The following GTF2E2 variants were observed in gnomAD, a reference collection of about 807,000 sequenced individuals.
The protein encoded by GTF2E2 is transcription initiation factor IIE subunit beta.
A neutral mutation model predicts 40.5 loss-of-function variants in GTF2E2; 21 were observed. The observed-to-expected ratio is 0.52, with a 90% confidence interval of 0.37 to 0.75. GTF2E2 has a LOEUF of 0.75. Among genes scored for constraint, GTF2E2 ranks in the 30% least tolerant of loss-of-function variants. GTF2E2 has a pLI of 0.00. For missense variants in GTF2E2, 298 were observed against 338.4 expected (o/e 0.88, Z 0.94); for synonymous variants, 117 against 121.6 (o/e 0.96, Z 0.25).
At chr8:30,580,765 G>C (rs1828494797) in intron 6 of GTF2E2, among the ~76,000 whole-genome samples, 1 of 152,168 alleles carries the variant, frequency 6.6e-6, no homozygotes. Flanking sequence ...CTCTCTCATT[G>C]ATAATAGAAA....
At chr8:30,645,682 AC>A in intron 2 of GTF2E2, 3 of 1,312,454 alleles carry the variant, frequency 2.3e-6, no homozygotes, top group Non-Finnish European at 3.1e-6. Context: ...AACTGTTGCT[AC>A]AAAACAAATT....
rs575483315 is a variant in GTF2E2 at position 30,584,843 on chromosome 8, C to G, written c.644-4447G>C. On this transcript the variant is annotated intron_variant, in intron 6 of 7. Coordinates refer to ENST00000355904, the MANE Select transcript of GTF2E2 (RefSeq NM_002095.6). Reference sequence around the variant, plus strand: ...ACCACATTTCCTGCACAAAGTGGTGCAAACATCTTAATTTTTCTGCCTCCA... The same window carrying G: ...ACCACATTTCCTGCACAAAGTGGTGGAAACATCTTAATTTTTCTGCCTCCA... 5 of 152,266 alleles carry G rather than the reference C, an allele frequency of 3.3e-5. No individual in the cohort carries two copies. In the East Asian group the frequency reaches 9.7e-4, roughly 29 times the overall value. 9.4% of individuals were successfully genotyped at this position (152,266 alleles called of 1,614,324 possible).
intron 5 of GTF2E2, among the ~76,000 whole-genome samples, chr8:30,607,972 T>C (rs1829370625): frequency 2.0e-5 from 3 of 152,220 alleles, no homozygotes; most frequent in Admixed American, 2.0e-4. Flanking sequence ...GCCCAAAGGA[T>C]TACATTACTC....
chr8:30,592,254 C>T (rs532194462), intron 6 of GTF2E2, among the ~76,000 whole-genome samples: 13 of 152,280 alleles, frequency 8.5e-5, no homozygotes, highest in African/African-American at 2.6e-4. Context: ...TGACACACAC[C>T]TGTAGTCCTA....
intron 3 of GTF2E2, 35 bp downstream of exon 3, chr8:30,634,997 A>T (rs750634737): frequency 8.5e-7 from 1 of 1,177,218 alleles, no homozygotes; most frequent in Non-Finnish European, 1.3e-6. Flanking sequence ...CCAAAAAGTT[A>T]AATAGGACTT....
rs1257735858 is a variant in GTF2E2 at position 30,580,737 on chromosome 8, A to G, written c.644-341T>C. ...GCTTATTTCCTGCTCAGCTCCCCTAAGCATGATATACTCATTCCTCTCTCA... is the reference window on the plus strand; with the variant it reads ...GCTTATTTCCTGCTCAGCTCCCCTAGGCATGATATACTCATTCCTCTCTCA... On this transcript the variant is annotated intron_variant, in intron 6 of 7. Transcript: ENST00000355904. 3.9e-5 allele frequency among the ~76,000 whole-genome samples: 6 copies of G among 152,232 alleles called. No homozygotes were observed. The East Asian group carries it at 1.2e-3, about 29-fold the overall frequency.
intron 6 of GTF2E2, among the ~76,000 whole-genome samples, chr8:30,599,073 T>G (rs144696459): frequency 8.3e-4 from 127 of 152,326 alleles, no homozygotes; most frequent in African/African-American, 2.9e-3. Context: ...AAACACCCAA[T>G]CAGTATTTAT....
intron 2 of GTF2E2, among the ~76,000 whole-genome samples, chr8:30,652,858 T>C (rs1802326865): frequency 6.6e-6 from 1 of 152,198 alleles, no homozygotes; most frequent in African/African-American, 2.4e-5. Context: ...CATATATCCA[T>C]ACTATGGAAT....
In GTF2E2 at chr8:30,628,484, G is replaced by A. The variant is rs188922106; in HGVS notation, c.258+6548C>T. 1.6e-3 allele frequency among the ~76,000 whole-genome samples: 246 copies of A among 152,276 alleles called. 2 individuals are homozygous for A. The highest frequency in any genetic ancestry group is 2.4e-3 in the Non-Finnish European group (161 of 68,024). On this transcript the variant is annotated intron_variant, in intron 3 of 7. Transcript: ENST00000355904. Reference sequence around the variant, plus strand: ...TGATTAGGTTAATAAATGTGAACTCGGAGGTATAGCAATTCTTTGCATGGG... The same window carrying A: ...TGATTAGGTTAATAAATGTGAACTCAGAGGTATAGCAATTCTTTGCATGGG...
intron 2 of GTF2E2, among the ~76,000 whole-genome samples, chr8:30,650,786 C>A (rs1192701476): frequency 6.6e-6 from 1 of 151,946 alleles, no homozygotes. Flanking sequence ...GAGGCCAAGG[C>A]GGGTGGATCA....
At position 30,642,793 on chromosome 8, in the gene GTF2E2, C is replaced by T. The variant is rs116678913; in HGVS notation, c.167-7670G>A. On this transcript the variant is annotated intron_variant, in intron 2 of 7. Transcript: ENST00000355904. ...TGTGAATAAACTATATTAATTTAAC[C>T]AGAAGAATAGCTCATTAATGGATAC... Among the ~76,000 whole-genome samples the T allele has an allele frequency of 3.4e-3, 514 of 152,250 alleles. 5 individuals are homozygous for T. Among genetic ancestry groups the T allele is most frequent in the African/African-American group, 0.012 (489 of 41,542 alleles).
chr8:30,625,749 C>A (rs544236318), intron 3 of GTF2E2, among the ~76,000 whole-genome samples: 2 of 152,284 alleles, frequency 1.3e-5, no homozygotes, highest in African/African-American at 4.8e-5. Flanking sequence ...CAGCCATGCG[C>A]CATCACACCC....
chr8:30,636,653 G>T (rs906977870), intron 2 of GTF2E2, among the ~76,000 whole-genome samples: 1 of 152,154 alleles, frequency 6.6e-6, no homozygotes, highest in African/African-American at 2.4e-5. Flanking sequence ...AGATCATGAG[G>T]TCAGGAAATC....
chr8:30,635,232 T>C, intron 2 of GTF2E2, 109 bp from the exon 3 acceptor site: 1 of 637,792 alleles, frequency 1.6e-6, no homozygotes, highest in Non-Finnish European at 2.7e-6. Flanking sequence ...TTTCATCTAG[T>C]ATATTCTACC....
At chr8:30,624,124 C>G (rs1474928563) in intron 3 of GTF2E2, among the ~76,000 whole-genome samples, 1 of 152,056 alleles carries the variant, frequency 6.6e-6, no homozygotes, top group Non-Finnish European at 1.5e-5. Context: ...AGGTTTTCTT[C>G]TAGGGTTTTT....
chr8:30,640,602 T>G (rs896032540), intron 2 of GTF2E2, among the ~76,000 whole-genome samples: 4 of 152,248 alleles, frequency 2.6e-5, no homozygotes, highest in African/African-American at 9.6e-5. Flanking sequence ...TACACCATTT[T>G]CTCTTGCTTT....
intron 3 of GTF2E2, among the ~76,000 whole-genome samples, chr8:30,622,562 G>A (rs764032921): frequency 6.6e-5 from 10 of 152,008 alleles, no homozygotes; most frequent in African/African-American, 2.4e-4. Context: ...AGGAGACAGG[G>A]TTTTGAGAGC....
chr8:30,612,245 G>T (rs907951757), intron 5 of GTF2E2, 54 bp downstream of exon 5: 15 of 1,106,536 alleles, frequency 1.4e-5, no homozygotes, highest in East Asian at 2.4e-5. Context: ...TTAAAACCAA[G>T]AAGTCATTAT....
intron 3 of GTF2E2, among the ~76,000 whole-genome samples, chr8:30,621,669 T>C (rs1434329093): frequency 2.6e-5 from 4 of 152,226 alleles, no homozygotes; most frequent in East Asian, 1.9e-4. Context: ...TTTGTAGAAA[T>C]TGATTTTTGT....
Sources: gnomAD v4.1 joint callset for allele counts (sites outside exome capture counted in the v4.1 genomes callset) on GRCh38, gnomAD v4.1.1 for gene constraint, MANE v1.5 for transcripts, NCBI Gene and HGNC (gene_info 2026-07-23, HGNC 2026-07-21) for gene names.